The following SRPRA variants were observed in gnomAD, a reference collection of about 807,000 sequenced individuals.
SRPRA encodes signal recognition particle receptor subunit alpha.
In SRPRA, 30 loss-of-function variants were observed where a neutral mutation model predicts 61.1. That is an observed-to-expected ratio of 0.49 (90% CI 0.37 to 0.67). The LOEUF is 0.67. SRPRA is among the 30% of genes least tolerant of loss of function. SRPRA has a pLI of 0.00. For missense variants in SRPRA, 759 were observed against 828.4 expected, an observed-to-expected ratio of 0.92 and a Z score of 1.03; for synonymous variants, 324 against 299.7, an observed-to-expected ratio of 1.08 and a Z score of -0.84.
At chr11:126,262,474 T>G, downstream of SRPRA, 1 of 337,270 alleles carries the variant, frequency 3.0e-6, no homozygotes, top group South Asian at 7.2e-5. Flanking sequence ...GGACTCGGGG[T>G]CTGGATGCCA....
the SRPRA span, among the ~76,000 whole-genome samples, chr11:126,237,581 C>T: frequency 7.3e-6 from 1 of 137,906 alleles, no homozygotes; most frequent in South Asian, 2.5e-4. Flanking sequence ...TCACGCCTGT[C>T]ATCCCAGCAC....
rs1268765791 is a variant in SRPRA, at chr11:126,265,444, A to T, written c.1139-4T>A. ...TGCTTTACTGTGGAAGTCACCGCTGAAAGGGGAGGTGGAGGAGGTTGCAGC... is the reference window on the plus strand; with the variant it reads ...TGCTTTACTGTGGAAGTCACCGCTGTAAGGGGAGGTGGAGGAGGTTGCAGC... On this transcript the variant is annotated splice_polypyrimidine_tract_variant and splice_region_variant and intron_variant, in intron 9 of 13. Transcript: ENST00000332118. This position sits in a 1 kb window ranked among gnomAD's most constrained non-coding sequence, Gnocchi z 6.3. The T allele has an allele frequency of 1.9e-6, 3 of 1,609,150 alleles. No individual in the cohort carries two copies. Among genetic ancestry groups the T allele is most frequent in the African/African-American group, 2.7e-5 (2 of 74,828 alleles).
the SRPRA span, among the ~76,000 whole-genome samples, chr11:126,244,716 A>G: frequency 6.6e-6 from 1 of 152,136 alleles, no homozygotes; most frequent in Admixed American, 6.6e-5. The surrounding 1 kb of genome is among the most constrained non-coding windows in gnomAD (Gnocchi z 4.5). Context: ...AGGCAGGAGA[A>G]TCACTTGAAC....
At chr11:126,260,883 C>T (rs989037907), downstream of SRPRA, 2 of 153,344 alleles carry the variant, frequency 1.3e-5, no homozygotes, top group African/African-American at 4.8e-5. Context: ...TCTTCACTGT[C>T]TAGTATCATA....
the SRPRA span, chr11:126,250,567 T>G: frequency 1.9e-6 from 3 of 1,614,138 alleles, no homozygotes; most frequent in Admixed American, 5.0e-5. This position sits in a 1 kb window ranked among gnomAD's most constrained non-coding sequence, Gnocchi z 5.1. Context: ...TTTGATGACT[T>G]GGAGTCAAAG....
At chr11:126,256,463 T>G in the SRPRA span, 1 of 1,039,600 alleles carries the variant, frequency 9.6e-7, no homozygotes, top group Non-Finnish European at 1.4e-6. The surrounding 1 kb of genome is among the most constrained non-coding windows in gnomAD (Gnocchi z 6.6). Flanking sequence ...TAAGTCTTGC[T>G]TAATTGGTCA....
the SRPRA span, among the ~76,000 whole-genome samples, chr11:126,240,127 G>A: frequency 6.6e-6 from 1 of 152,106 alleles, no homozygotes; most frequent in Non-Finnish European, 1.5e-5. Flanking sequence ...CTCACATATG[G>A]GCCTCAGAAC....
chr11:126,240,919 T>A, the SRPRA span: 1 of 1,614,190 alleles, frequency 6.2e-7, no homozygotes. Flanking sequence ...AATTCAGGCC[T>A]TACTGGATGC....
chr11:126,256,391 AATC>A, the SRPRA span, among the ~76,000 whole-genome samples: 1 of 152,264 alleles, frequency 6.6e-6, no homozygotes, highest in Admixed American at 6.5e-5. This position sits in a 1 kb window ranked among gnomAD's most constrained non-coding sequence, Gnocchi z 6.6. Flanking sequence ...ATTTTAGACC[AATC>A]ATCAAGTTAC....
rs748908902 is a variant in SRPRA, at chr11:126,268,814, GGCAGAGGA to G, written c.-18_-11del. Reference sequence around the variant, plus strand: ...TGAAGAAGTCGAGCATGGCGGCAGCGGCAGAGGAGCTGGGGCCGGCGCCGGGAATTCAG... The same window carrying G: ...TGAAGAAGTCGAGCATGGCGGCAGCGGCTGGGGCCGGCGCCGGGAATTCAG... On this transcript the variant is annotated 5_prime_UTR_variant, in exon 1 of 14. Coordinates refer to ENST00000332118, the MANE Select transcript of SRPRA (RefSeq NM_003139.4). The G allele has an allele frequency of 6.2e-7, 1 of 1,609,028 alleles. No individual in the cohort carries two copies. The highest frequency in any genetic ancestry group is 1.3e-5 in the African/African-American group (1 of 74,864).
In SRPRA at chr11:126,267,133, A is replaced by G. The variant is rs1384845516; in HGVS notation, c.526+42T>C. The G allele has an allele frequency of 6.2e-7, 1 of 1,612,262 alleles. No homozygotes were observed. Among genetic ancestry groups the G allele is most frequent in the Non-Finnish European group, 8.5e-7 (1 of 1,179,400 alleles). On this transcript the variant is annotated intron_variant, in intron 4 of 13. Coordinates refer to ENST00000332118, the MANE Select transcript of SRPRA (RefSeq NM_003139.4). This position sits in a 1 kb window ranked among gnomAD's most constrained non-coding sequence, Gnocchi z 4.2. Reference sequence around the variant, plus strand: ...CACCTCAGTCCTTAGCACCGTGTTAACACCTTTCATGTCCCAGTATATCCA... The same window carrying G: ...CACCTCAGTCCTTAGCACCGTGTTAGCACCTTTCATGTCCCAGTATATCCA...
At chr11:126,257,035 A>G in the SRPRA span, among the ~76,000 whole-genome samples, 1 of 152,252 alleles carries the variant, frequency 6.6e-6, no homozygotes, top group Admixed American at 6.5e-5. Context: ...GAAGACAGAC[A>G]AAAAGGAATA....
At chr11:126,261,825 C>A (rs1950706654), downstream of SRPRA, among the ~76,000 whole-genome samples, 1 of 151,712 alleles carries the variant, frequency 6.6e-6, no homozygotes. Context: ...GCTGTTTCTA[C>A]AAAAAAAATT....
At position 126,268,722 on chromosome 11, in the gene SRPRA, G is replaced by T. The variant is rs758181177; in HGVS notation, c.83C>A (p.Pro28His). The T allele has an allele frequency of 6.2e-7, 1 of 1,613,756 alleles. No homozygotes were observed. The highest frequency in any genetic ancestry group is 8.5e-7 in the Non-Finnish European group (1 of 1,180,026). Residue 28 changes from proline to histidine, a missense_variant, in exon 1 of 14, where the codon CCC becomes CAC. Physicochemically the swap from Pro to His is moderately conservative, Grantham distance 77 (BLOSUM62 -2). Around this residue, in one of 2 missense-constraint regions of SRPRA, gnomAD observed 475 missense variants for 462.5 expected, o/e 1.03. Coordinates refer to ENST00000332118, the MANE Select transcript of SRPRA (RefSeq NM_003139.4). ...FQGVSDSCTG[P>H]VNALIRSVLL... ...CACGGAACGAATCAACGCGTTAACG[G>T]GTCCGGTGCATGAGTCGCTAACGCC...
Position 126,264,551 on chromosome 11 carries a change from AAGT to A in SRPRA, c.1526-15_1526-13del, listed in dbSNP as rs1328396018. The stretch of plus-strand genomic sequence containing the variant: ...GCCTTGGTTACGTGCTAGAGAAAGA[AAGT>A]AGTCAACTCTGAACACCTGGACTAC... On this transcript the variant is annotated splice_polypyrimidine_tract_variant and intron_variant, in intron 11 of 13. Coordinates refer to ENST00000332118, the MANE Select transcript of SRPRA (RefSeq NM_003139.4). The surrounding 1 kb of genome is among the most constrained non-coding windows in gnomAD (Gnocchi z 5.0). The A allele has an allele frequency of 3.1e-6, 5 of 1,611,894 alleles. No individual in the cohort carries two copies. Among genetic ancestry groups the A allele is most frequent in the Non-Finnish European group, 3.4e-6 (4 of 1,179,826 alleles).
the SRPRA span, chr11:126,241,109 T>C: frequency 9.4e-4 from 1,387 of 1,475,294 alleles, 3 homozygotes; most frequent in African/African-American, 0.01. Flanking sequence ...ACAACTAGCA[T>C]GATTTGGCTG....
chr11:126,254,085 A>G, the SRPRA span, among the ~76,000 whole-genome samples: 1 of 152,220 alleles, frequency 6.6e-6, no homozygotes, highest in Admixed American at 6.5e-5. Context: ...TTTGATGCTT[A>G]CTTTCAAAGA....
the SRPRA span, among the ~76,000 whole-genome samples, chr11:126,247,545 A>G: frequency 6.6e-6 from 1 of 152,078 alleles, no homozygotes; most frequent in Admixed American, 6.6e-5. Flanking sequence ...GGTGTGTGTA[A>G]TAATAAAACT....
At chr11:126,242,326 A>C in the SRPRA span, among the ~76,000 whole-genome samples, 1 of 152,192 alleles carries the variant, frequency 6.6e-6, no homozygotes, top group Non-Finnish European at 1.5e-5. Context: ...ATGGTGGCTC[A>C]TGCCTATAAT....
Sources: allele counts gnomAD v4.1 joint callset (sites outside exome capture counted in the v4.1 genomes callset), GRCh38; gene constraint gnomAD v4.1.1; regional missense constraint gnomAD v4.1.1; non-coding constraint Gnocchi (gnomAD v3.1); transcripts MANE v1.5; gene names NCBI Gene and HGNC (gene_info 2026-07-23, HGNC 2026-07-21).